FNDC3B: variants seen among roughly 807,000 people sequenced by gnomAD.
FNDC3B encodes the protein fibronectin type III domain containing 3B.
A neutral mutation model predicts 151.5 loss-of-function variants in FNDC3B; 12 were observed. That is an observed-to-expected ratio of 0.08 (90% confidence interval 0.05 to 0.13). The LOEUF (loss-of-function observed/expected upper bound fraction) is 0.13. Ranked by LOEUF, FNDC3B falls within the 10% of genes least tolerant of loss-of-function variation. FNDC3B has a pLI of 1.00. For synonymous variants in FNDC3B, 528 were observed against 549.0 expected, an observed-to-expected ratio of 0.96 and a Z score of 0.54; for missense variants, 1,214 against 1,505.3, an observed-to-expected ratio of 0.81 and a Z score of 3.20.
chr3:172,348,801 A>G (rs1260221492), intron 21 of FNDC3B, among the ~76,000 whole-genome samples: 1 of 152,156 alleles, frequency 6.6e-6, no homozygotes, highest in Non-Finnish European at 1.5e-5. Context: ...TTTATAATAA[A>G]ATGAGTCAGA....
Position 172,381,178 on chromosome 3 carries a change from CTA to C in FNDC3B, c.3303+87_3303+88del. On this transcript the variant is annotated intron_variant, in intron 25 of 25. Coordinates refer to ENST00000415807, the MANE Select transcript of FNDC3B (RefSeq NM_022763.4). ...TTATTGCTATGAATGACTCAGTGAA[CTA>C]TGTTTTTCTTAAAATCAGTGATAGA... 4 of 1,459,722 alleles carry C rather than the reference CTA, an allele frequency of 2.7e-6. No homozygotes were observed. In the South Asian group the frequency reaches 3.6e-5, roughly 13 times the overall value. 90.4% of individuals were successfully genotyped at this position (1,459,722 alleles called of 1,614,324 possible). A position where few individuals can be genotyped will look rare whatever the true frequency, so the allele number is the denominator to read the frequency against.
chr3:172,241,705 A>G (rs546078666), intron 4 of FNDC3B, among the ~76,000 whole-genome samples: 41 of 152,174 alleles, frequency 2.7e-4, no homozygotes, highest in Non-Finnish European at 4.6e-4. Flanking sequence ...CCCTCCCACA[A>G]CATGTAGAAA....
At chr3:172,262,862 C>T (rs1728718732) in intron 6 of FNDC3B, among the ~76,000 whole-genome samples, 1 of 131,412 alleles carries the variant, frequency 7.6e-6, no homozygotes, top group African/African-American at 3.1e-5. Context: ...ATGCCACTGC[C>T]CTTTCGCCTA....
At chr3:172,311,588 C>T (rs1045282534) in intron 11 of FNDC3B, among the ~76,000 whole-genome samples, 4 of 151,792 alleles carry the variant, frequency 2.6e-5, no homozygotes, top group Admixed American at 6.6e-5. Flanking sequence ...AACTGTAGGT[C>T]GGGCGCGATG....
intron 2 of FNDC3B, among the ~76,000 whole-genome samples, chr3:172,117,491 ATTGAT>A (rs1364953638): frequency 6.6e-6 from 1 of 152,216 alleles, no homozygotes; most frequent in Non-Finnish European, 1.5e-5. Flanking sequence ...CTGACTTTTT[ATTGAT>A]TTAATATTTT....
intron 6 of FNDC3B, among the ~76,000 whole-genome samples, 164 bp from the exon 7 acceptor site, chr3:172,285,762 C>T (rs1252042621): frequency 2.0e-5 from 3 of 152,200 alleles, no homozygotes; most frequent in Admixed American, 6.5e-5. Flanking sequence ...CCCAATGACA[C>T]CTTCATTCCT....
rs1348642948 is a variant in FNDC3B at position 172,401,026 on chromosome 3, C to T, written c.*3551C>T. ...CAAGCTCCACCTCCCGGGTTCATGC[C>T]ATTCTCCTGCCTCAGCCTCCCAAGT... On this transcript the variant is annotated 3_prime_UTR_variant, in exon 26 of 26. Coordinates refer to ENST00000415807, the MANE Select transcript of FNDC3B (RefSeq NM_022763.4). 6.0e-5 allele frequency: 9 copies of T among 150,762 alleles called. 1 individual carries two copies. The allele number at this position is 150,762 out of a possible 1,614,324, so 9.3% of individuals were successfully genotyped here.
intron 1 of FNDC3B, among the ~76,000 whole-genome samples, chr3:172,075,194 G>A (rs867537394): frequency 3.3e-5 from 5 of 152,042 alleles, no homozygotes; most frequent in African/African-American, 1.2e-4. Flanking sequence ...AGATATGTAC[G>A]ATACTTGTAG....
intron 23 of FNDC3B, among the ~76,000 whole-genome samples, chr3:172,368,171 G>A (rs139381510): frequency 1.1e-4 from 16 of 151,934 alleles, no homozygotes; most frequent in African/African-American, 3.6e-4. Context: ...TCCGGAGGCT[G>A]AAGTGGGAGG....
intron 3 of FNDC3B, among the ~76,000 whole-genome samples, chr3:172,179,789 A>G (rs1723789245): frequency 6.9e-6 from 1 of 145,080 alleles, no homozygotes; most frequent in African/African-American, 2.6e-5. Flanking sequence ...ATGCTGAGGT[A>G]GGAGGATCAT....
At chr3:172,387,729 G>A (rs931425051) in intron 25 of FNDC3B, among the ~76,000 whole-genome samples, 1 of 152,104 alleles carries the variant, frequency 6.6e-6, no homozygotes, top group Non-Finnish European at 1.5e-5. Flanking sequence ...CCAGGTAGAG[G>A]ACTCCTGGTT....
intron 11 of FNDC3B, among the ~76,000 whole-genome samples, chr3:172,320,809 A>G (rs1236243337): frequency 6.6e-6 from 1 of 152,216 alleles, no homozygotes; most frequent in African/African-American, 2.4e-5. Flanking sequence ...TGTGTTCCTT[A>G]ATGGGAAACC....
chr3:172,070,285 T>C (rs62283788), intron 1 of FNDC3B, among the ~76,000 whole-genome samples: 6,569 of 152,308 alleles, frequency 0.043, 195 homozygotes, highest in South Asian at 0.063. Context: ...CTGAGATCTG[T>C]CAATAGAGTG....
chr3:172,205,285 A>G (rs571734940), intron 3 of FNDC3B, among the ~76,000 whole-genome samples: 1 of 152,322 alleles, frequency 6.6e-6, no homozygotes, highest in East Asian at 1.9e-4. Context: ...TATAACAGGA[A>G]TAGCAGGGAC....
intron 3 of FNDC3B, among the ~76,000 whole-genome samples, chr3:172,150,914 G>A (rs1272780686): frequency 1.3e-5 from 2 of 151,352 alleles, no homozygotes; most frequent in African/African-American, 4.9e-5. Flanking sequence ...TCTCATCTAG[G>A]TATTTTTTAA....
intron 1 of FNDC3B, among the ~76,000 whole-genome samples, chr3:172,084,339 T>C (rs1718437691): frequency 6.6e-6 from 1 of 152,038 alleles, no homozygotes; most frequent in Non-Finnish European, 1.5e-5. Flanking sequence ...TAGGCCCAGC[T>C]ATTCGGGAGG....
intron 6 of FNDC3B, among the ~76,000 whole-genome samples, chr3:172,265,712 T>C (rs930309682): frequency 3.9e-5 from 6 of 152,230 alleles, no homozygotes; most frequent in African/African-American, 7.2e-5. Flanking sequence ...CTGAATGTTT[T>C]GTGGGAACTC....
At chr3:172,108,034 G>A (rs1719747886) in intron 1 of FNDC3B, among the ~76,000 whole-genome samples, 1 of 152,124 alleles carries the variant, frequency 6.6e-6, no homozygotes, top group South Asian at 2.1e-4. Context: ...TGGGCATGGT[G>A]GCACGTGCCT....
chr3:172,052,088 C>CTTT (rs571140016), intron 1 of FNDC3B, among the ~76,000 whole-genome samples: 3 of 141,788 alleles, frequency 2.1e-5, no homozygotes, highest in East Asian at 4.1e-4. Flanking sequence ...CTGTCTTCTT[C>CTTT]TTTTTTTTTT....
Sources: allele counts gnomAD v4.1 joint callset (sites outside exome capture counted in the v4.1 genomes callset), GRCh38; gene constraint gnomAD v4.1.1; transcripts MANE v1.5; gene names NCBI Gene and HGNC (gene_info 2026-07-23, HGNC 2026-07-21).